The following DENND5B variants were observed in gnomAD, a reference collection of about 807,000 sequenced individuals.
DENND5B encodes the protein DENN domain-containing protein 5B.
DENND5B carries 34 observed loss-of-function variants against 140.6 expected under a neutral mutation model. That is an observed-to-expected ratio of 0.24 (90% confidence interval 0.18 to 0.32). The LOEUF is 0.32. DENND5B is among the 10% of genes least tolerant of loss of function. The pLI is 1.00. For missense variants in DENND5B, 1,142 were observed against 1,560.2 expected (o/e 0.73, Z 4.52); for synonymous variants, 551 against 562.1 (o/e 0.98, Z 0.28).
chr12:31,443,796 A>G (rs1944157546), intron 6 of DENND5B: 2 of 152,158 alleles, frequency 1.3e-5, no homozygotes, highest in South Asian at 2.1e-4. Flanking sequence ...CATTAGTAGG[A>G]GTCATTTTGG....
intron 1 of DENND5B, among the ~76,000 whole-genome samples, chr12:31,566,509 C>T (rs1949638019): frequency 6.6e-6 from 1 of 152,126 alleles, no homozygotes; most frequent in East Asian, 1.9e-4. Context: ...TAGCTCATGC[C>T]TATAATCCCA....
intron 1 of DENND5B, among the ~76,000 whole-genome samples, chr12:31,525,357 T>C (rs1948050294): frequency 6.6e-6 from 1 of 152,140 alleles, no homozygotes; most frequent in South Asian, 2.1e-4. Flanking sequence ...TGGCCATAAA[T>C]AGGAATGTAG....
rs140996662 is a variant in DENND5B at position 31,557,197 on chromosome 12, ATTAAAG to A, written c.127+33503_127+33508del. On this transcript the variant is annotated intron_variant, in intron 1 of 20. Coordinates refer to ENST00000389082, the MANE Select transcript of DENND5B (RefSeq NM_144973.4). ...CAAATATTAAAATCAAACAATATATATTAAAGTTAATTATACAGGCATAGAGAGTAG... is the reference window on the plus strand; with the variant it reads ...CAAATATTAAAATCAAACAATATATATTAATTATACAGGCATAGAGAGTAG... Among the ~76,000 whole-genome samples the A allele has an allele frequency of 8.3e-3, 1,257 of 152,324 alleles. 13 individuals are homozygous for A. The highest frequency in any genetic ancestry group is 0.029 in the African/African-American group (1,201 of 41,570).
chr12:31,411,068 T>C (rs793153), intron 13 of DENND5B, among the ~76,000 whole-genome samples: 136,796 of 148,444 alleles, frequency 0.92, 63,633 homozygotes, highest in East Asian at 0.99. Context: ...GAGACAGTTT[T>C]GCTCTTATTG....
At chr12:31,560,986 C>T (rs1026488126) in intron 1 of DENND5B, among the ~76,000 whole-genome samples, 6 of 152,032 alleles carry the variant, frequency 3.9e-5, no homozygotes, top group Admixed American at 3.3e-4. Flanking sequence ...TAGCAGAGAC[C>T]GTGGAAGAAA....
At chr12:31,568,121 T>C (rs1462007126) in intron 1 of DENND5B, among the ~76,000 whole-genome samples, 1 of 152,214 alleles carries the variant, frequency 6.6e-6, no homozygotes, top group Admixed American at 6.5e-5. Flanking sequence ...ATTTTTTGAC[T>C]GCTAATGACA....
At chr12:31,492,419 T>C (rs1420060310) in intron 2 of DENND5B, among the ~76,000 whole-genome samples, 1 of 152,126 alleles carries the variant, frequency 6.6e-6, no homozygotes, top group East Asian at 1.9e-4. Flanking sequence ...AGAACGTACT[T>C]GTACCCAGGC....
chr12:31,402,630 C>T lies in DENND5B; in HGVS notation c.2817G>A (p.Arg939=). The T allele has an allele frequency of 3.1e-6, 5 of 1,606,974 alleles. No homozygotes were observed. The highest frequency in any genetic ancestry group is 4.2e-6 in the Non-Finnish European group (5 of 1,177,362). ...GCTTTTTGATTGGGATGATCACTGA[C>T]CTATACGGAATCACTGAAAGAAAAA... ...SVFTTIMIPY[R]SVIIPIKKLS... Residue 939 remains arginine, a synonymous_variant, in exon 15 of 21, where the codon AGG becomes AGA. Coordinates refer to ENST00000389082, the MANE Select transcript of DENND5B (RefSeq NM_144973.4).
intron 4 of DENND5B, among the ~76,000 whole-genome samples, chr12:31,457,969 C>T (rs1654085715): frequency 6.6e-6 from 1 of 152,204 alleles, no homozygotes; most frequent in South Asian, 2.1e-4. Context: ...CCGCCTCAGC[C>T]TCCCAAAGTG....
At chr12:31,563,404 G>A (rs1024668429) in intron 1 of DENND5B, among the ~76,000 whole-genome samples, 1 of 151,962 alleles carries the variant, frequency 6.6e-6, no homozygotes, top group Non-Finnish European at 1.5e-5. Context: ...CTCCTTTGGG[G>A]GTAAAAACAA....
chr12:31,533,282 CA>C (rs1408046891), intron 1 of DENND5B, among the ~76,000 whole-genome samples: 3 of 151,910 alleles, frequency 2.0e-5, no homozygotes, highest in African/African-American at 7.3e-5. Context: ...GCCAATACAA[CA>C]ACAAAAAATA....
At chr12:31,486,690 C>A (rs1435971873) in intron 2 of DENND5B, among the ~76,000 whole-genome samples, 1 of 152,158 alleles carries the variant, frequency 6.6e-6, no homozygotes, top group South Asian at 2.1e-4. Context: ...AACTGGTAGG[C>A]GGATGGATTG....
At chr12:31,460,516 ATAGGT>A (rs1944966085) in intron 3 of DENND5B, 135 bp from the exon 4 acceptor site, 1 of 778,170 alleles carries the variant, frequency 1.3e-6, no homozygotes, top group African/African-American at 1.7e-5. Flanking sequence ...CATACAGAAA[ATAGGT>A]CAGTTCTATT....
At chr12:31,490,335 G>C (rs1256983064) in intron 2 of DENND5B, among the ~76,000 whole-genome samples, 1 of 152,130 alleles carries the variant, frequency 6.6e-6, no homozygotes, top group Non-Finnish European at 1.5e-5. Flanking sequence ...GATATGGCTA[G>C]GCATCGTGGA....
At position 31,577,988 on chromosome 12, in the gene DENND5B, G is replaced by C. The variant is rs183055404; in HGVS notation, c.127+12718C>G. Among the ~76,000 whole-genome samples, 542 of 152,048 alleles carry C rather than the reference G, an allele frequency of 3.6e-3. 2 individuals are homozygous for C. The highest frequency in any genetic ancestry group is 0.013 in the African/African-American group (523 of 41,496). On this transcript the variant is annotated intron_variant, in intron 1 of 20. Transcript: ENST00000389082. ...AAAAATACAAAAATTAGCCAGGCGT[G>C]GTAGCACACACACCTATAGTCCCAG...
At chr12:31,500,436 T>G in intron 1 of DENND5B, 1 of 448,186 alleles carries the variant, frequency 2.2e-6, no homozygotes, top group South Asian at 1.6e-5. Context: ...TCTCAGCACT[T>G]CGGGAGGCCG....
chr12:31,400,913 G>A lies in DENND5B; in HGVS notation c.2950-1141C>T, dbSNP rs186678920. 4.1e-3 allele frequency among the ~76,000 whole-genome samples: 609 copies of A among 147,058 alleles called. 7 individuals carry two copies. Among genetic ancestry groups the A allele is most frequent in the African/African-American group, 0.014 (544 of 39,942 alleles). Reference sequence around the variant, plus strand: ...GCTGGAGTGCAATGGTGCAATCTCCGCTCACCACAACCTCCGCCTCCCGGA... The same window carrying A: ...GCTGGAGTGCAATGGTGCAATCTCCACTCACCACAACCTCCGCCTCCCGGA... On this transcript the variant is annotated intron_variant, in intron 15 of 20. Transcript: ENST00000389082.
At chr12:31,590,655 C>G in intron 1 of DENND5B, 51 bp downstream of exon 1, 3 of 1,413,306 alleles carry the variant, frequency 2.1e-6, no homozygotes, top group Non-Finnish European at 2.8e-6. Flanking sequence ...GTCCCCACAG[C>G]GTCCCCCGCG....
chr12:31,558,270 C>T (rs541916706), intron 1 of DENND5B, among the ~76,000 whole-genome samples: 3 of 152,206 alleles, frequency 2.0e-5, no homozygotes, highest in African/African-American at 7.2e-5. Flanking sequence ...GAACCCACCC[C>T]CCAACCCCCT....
Sources: gnomAD v4.1 joint callset for allele counts (sites outside exome capture counted in the v4.1 genomes callset) on GRCh38, gnomAD v4.1.1 for gene constraint, MANE v1.5 for transcripts, NCBI Gene and HGNC (gene_info 2026-07-23, HGNC 2026-07-21) for gene names.